The following OSTF1 variants were observed in gnomAD, a reference collection of about 807,000 sequenced individuals.
The protein encoded by OSTF1 is osteoclast-stimulating factor 1.
A neutral mutation model predicts 37.2 loss-of-function variants in OSTF1; 27 were observed. The ratio of observed to expected loss-of-function variants is 0.73; its 90% CI spans 0.54 to 1.00. The LOEUF is 1.00. Among genes scored for constraint, OSTF1 ranks in the 50% least tolerant of loss-of-function variants. The probability of loss-of-function intolerance (pLI) is 0.00; values close to 1 mark genes in which losing one functional copy is unlikely to be tolerated. For missense variants in OSTF1, 232 were observed against 253.8 expected, an observed-to-expected ratio of 0.91 and a Z score of 0.58; for synonymous variants, 82 against 89.2, an observed-to-expected ratio of 0.92 and a Z score of 0.46.
intron 1 of OSTF1, among the ~76,000 whole-genome samples, chr9:75,102,413 C>T (rs1053849933): frequency 2.0e-5 from 3 of 152,084 alleles, no homozygotes; most frequent in East Asian, 1.9e-4. Context: ...TCATGACTAG[C>T]GTCTTGAAGA....
rs758965640 is a variant in OSTF1, at chr9:75,130,589, T to G, written c.144T>G (p.Asn48Lys). The G allele has an allele frequency of 2.5e-6, 4 of 1,608,236 alleles. No individual in the cohort carries two copies. In the East Asian group the frequency reaches 6.7e-5, roughly 27 times the overall value. ...IIYITDMSDT[N>K]WWKGTSKGRT... ...TCTTCTTTTACCAGAGCGATACCAA[T>G]TGGTGGAAAGGCACCTCCAAAGGCA... Residue 48 changes from asparagine (N) to lysine (K), a missense_variant, in exon 4 of 10, where the codon AAT (asparagine) becomes AAG (lysine). Coordinates refer to ENST00000346234, the MANE Select transcript of OSTF1 (RefSeq NM_012383.5).
intron 1 of OSTF1, among the ~76,000 whole-genome samples, chr9:75,090,574 C>T (rs1564150834): frequency 6.6e-6 from 1 of 151,890 alleles, no homozygotes; most frequent in Non-Finnish European, 1.5e-5. Context: ...GATCCAGACA[C>T]AAAGTTACCA....
intron 7 of OSTF1, among the ~76,000 whole-genome samples, chr9:75,134,808 A>G (rs572452590): frequency 6.6e-6 from 1 of 152,074 alleles, no homozygotes; most frequent in Non-Finnish European, 1.5e-5. Flanking sequence ...TGGTTATATT[A>G]CTATATAATA....
At chr9:75,089,722 T>C (rs1012634008) in intron 1 of OSTF1, among the ~76,000 whole-genome samples, 5 of 152,232 alleles carry the variant, frequency 3.3e-5, no homozygotes, top group Non-Finnish European at 7.3e-5. Flanking sequence ...GTAATTTCGG[T>C]ATAGCGAAAT....
intron 7 of OSTF1, among the ~76,000 whole-genome samples, chr9:75,135,045 G>A (rs1265743101): frequency 6.6e-6 from 1 of 152,066 alleles, no homozygotes; most frequent in Non-Finnish European, 1.5e-5. Flanking sequence ...TCTCCAGTCT[G>A]AGCAGCTTGG....
chr9:75,139,288 C>A (rs1825901636), intron 8 of OSTF1, among the ~76,000 whole-genome samples: 1 of 151,994 alleles, frequency 6.6e-6, no homozygotes, highest in African/African-American at 2.4e-5. Flanking sequence ...CCTGCCTCAG[C>A]CTCCCAAAGT....
At chr9:75,133,550 G>T in intron 6 of OSTF1, 149 bp downstream of exon 6, 1 of 584,586 alleles carries the variant, frequency 1.7e-6, no homozygotes. Flanking sequence ...GTTCCTGGAA[G>T]CTCTGTAGAA....
intron 1 of OSTF1, among the ~76,000 whole-genome samples, chr9:75,089,486 G>T (rs1318702195): frequency 6.6e-6 from 1 of 152,080 alleles, no homozygotes; most frequent in Non-Finnish European, 1.5e-5. Context: ...AATATTTTCT[G>T]TGATATGCAG....
chr9:75,127,493 T>C, intron 2 of OSTF1, 76 bp from the exon 3 acceptor site: 2 of 794,218 alleles, frequency 2.5e-6, no homozygotes, highest in Non-Finnish European at 4.1e-6. Context: ...TAGAATATGA[T>C]AGAATTTTGA....
chr9:75,127,717 A>G (rs767793129), intron 3 of OSTF1, 98 bp downstream of exon 3: 33 of 680,308 alleles, frequency 4.9e-5, no homozygotes, highest in Non-Finnish European at 7.1e-5. Context: ...ATAGAAATAC[A>G]TATGTACAAG....
Position 75,088,826 on chromosome 9 carries a change from C to G in OSTF1, c.34+100C>G, listed in dbSNP as rs1824869233. 3.4e-6 allele frequency: 4 copies of G among 1,193,874 alleles called. No individual in the cohort carries two copies. In the African/African-American group the frequency reaches 4.6e-5, roughly 14 times the overall value. 74.0% of individuals were successfully genotyped at this position (1,193,874 alleles called of 1,614,324 possible). A position where few individuals can be genotyped will look rare whatever the true frequency, so the allele number is the denominator to read the frequency against. On this transcript the variant is annotated intron_variant, in intron 1 of 9. Coordinates refer to ENST00000346234, the MANE Select transcript of OSTF1 (RefSeq NM_012383.5). ...GGGAGGACCCGGCGCGCACCCGGCC[C>G]CGAGCCTGGCTTCCGAGATCGGCCC...
chr9:75,117,509 G>A lies in OSTF1; in HGVS notation c.40G>A (p.Val14Ile), dbSNP rs981406763. ...PPPKPVKPGQVKVFRALYTFE... is the reference protein window; with the variant it reads ...PPPKPVKPGQIKVFRALYTFE... ...GTTTTTTCTTCCTTTTTTAGGGCAA[G>A]TTAAAGTCTTCAGAGCCCTGTATAC... The change falls in exon 2 of 10, where the codon GTT (valine) becomes ATT (isoleucine). Residue 14 changes from valine (V) to isoleucine (I), a missense_variant. Coordinates refer to ENST00000346234, the MANE Select transcript of OSTF1 (RefSeq NM_012383.5). 3.1e-6 allele frequency: 5 copies of A among 1,610,450 alleles called. No homozygotes were observed. The African/African-American group carries it at 6.7e-5, about 22-fold the overall frequency.
intron 9 of OSTF1, among the ~76,000 whole-genome samples, chr9:75,141,590 T>G (rs1825945365): frequency 6.6e-6 from 1 of 152,202 alleles, no homozygotes. Flanking sequence ...CACTAAATAT[T>G]TTTAAAAATA....
intron 3 of OSTF1, among the ~76,000 whole-genome samples, chr9:75,130,074 A>G (rs1430668885): frequency 6.6e-6 from 1 of 152,328 alleles, no homozygotes; most frequent in Admixed American, 6.5e-5. Flanking sequence ...AATATTGGTC[A>G]TTAATAAATG....
chr9:75,093,192 C>A (rs1054858138), intron 1 of OSTF1, among the ~76,000 whole-genome samples: 2 of 151,916 alleles, frequency 1.3e-5, no homozygotes, highest in African/African-American at 4.8e-5. Context: ...ACCACCAAAC[C>A]TGGCTGAGAC....
chr9:75,107,378 T>TC (rs1825307356), intron 1 of OSTF1, among the ~76,000 whole-genome samples: 1 of 152,186 alleles, frequency 6.6e-6, no homozygotes, highest in African/African-American at 2.4e-5. Context: ...AGATTAATGC[T>TC]CCCTGCATGT....
rs576052966 is a variant in OSTF1 at position 75,127,471 on chromosome 9, C to G, written c.82-98C>G. The G allele has an allele frequency of 1.1e-5, 7 of 640,396 alleles. No homozygotes were observed. In the East Asian group the frequency reaches 1.5e-4, roughly 14 times the overall value. 39.7% of individuals were successfully genotyped at this position (640,396 alleles called of 1,614,324 possible). A position where few individuals can be genotyped will look rare whatever the true frequency, so the allele number is the denominator to read the frequency against. ...ATGTGCTGATTTAAGTGTATAAAAC[C>G]ACATTGCTTATTAGAATATGATAGA... is the stretch of plus-strand genomic sequence containing the variant. On this transcript the variant is annotated intron_variant, in intron 2 of 9. Coordinates refer to ENST00000346234, the MANE Select transcript of OSTF1 (RefSeq NM_012383.5).
rs1236718488 is a variant in OSTF1, at chr9:75,117,529, G to A, written c.60G>A (p.Leu20=). 1 of 1,610,898 alleles carries A rather than the reference G, an allele frequency of 6.2e-7. No homozygotes were observed. The highest frequency in any genetic ancestry group is 1.3e-5 in the African/African-American group (1 of 74,820). Residue 20 remains leucine, a synonymous_variant, in exon 2 of 10, where the codon CTG becomes CTA. Coordinates refer to ENST00000346234, the MANE Select transcript of OSTF1 (RefSeq NM_012383.5). ...KPGQVKVFRA[L]YTFEPRTPDE... ...GGCAAGTTAAAGTCTTCAGAGCCCT[G>A]TATACGTTTGAACCCAGAACTGTAA...
chr9:75,131,883 A>C (rs1825766301), intron 5 of OSTF1, 60 bp downstream of exon 5: 1 of 1,255,402 alleles, frequency 8.0e-7, no homozygotes, highest in African/African-American at 1.5e-5. Context: ...GATTTCAATT[A>C]GCTTTGACAA....
Sources: allele counts gnomAD v4.1 joint callset (sites outside exome capture counted in the v4.1 genomes callset), GRCh38; gene constraint gnomAD v4.1.1; transcripts MANE v1.5; gene names NCBI Gene and HGNC (gene_info 2026-07-23, HGNC 2026-07-21).